ADAMTS18: variants seen among roughly 807,000 people sequenced by gnomAD.
The protein encoded by ADAMTS18 is ADAM metallopeptidase with thrombospondin type 1 motif 18, also known as A disintegrin and metalloproteinase with thrombospondin motifs 18.
Under a neutral mutation model 165.9 loss-of-function variants are expected in ADAMTS18, and 157 were observed. The observed-to-expected ratio is 0.95, with a 90% confidence interval of 0.83 to 1.08. ADAMTS18 has a LOEUF of 1.08. ADAMTS18 is among the 50% of genes least tolerant of loss of function. ADAMTS18 has a pLI of 0.00. For synonymous variants in ADAMTS18, 782 were observed against 578.2 expected, an observed-to-expected ratio of 1.35 and a Z score of -5.06; for missense variants, 2,040 against 1,534.0, an observed-to-expected ratio of 1.33 and a Z score of -5.51.
chr16:77,396,951 C>T (rs1487991654), intron 3 of ADAMTS18, among the ~76,000 whole-genome samples: 9 of 152,000 alleles, frequency 5.9e-5, no homozygotes, highest in Non-Finnish European at 5.9e-5. Context: ...GGATTACAGG[C>T]GCCCGCCACC....
At chr16:77,340,925 T>A (rs952679912) in intron 11 of ADAMTS18, among the ~76,000 whole-genome samples, 1 of 152,152 alleles carries the variant, frequency 6.6e-6, no homozygotes, top group African/African-American at 2.4e-5. Context: ...TATACTGCCT[T>A]GAGACAGAGT....
intron 4 of ADAMTS18, among the ~76,000 whole-genome samples, chr16:77,365,872 G>A (rs1343262023): frequency 6.6e-6 from 1 of 152,202 alleles, no homozygotes; most frequent in African/African-American, 2.4e-5. Context: ...GCACAGTGAC[G>A]TTGAGCCTCA....
intron 3 of ADAMTS18, among the ~76,000 whole-genome samples, chr16:77,375,264 C>T (rs147351439): frequency 0.011 from 1,606 of 152,120 alleles, 20 homozygotes; most frequent in Middle Eastern, 0.027. Context: ...TCAGGGGATC[C>T]GCCCACCTCA....
chr16:77,335,467 A>G (rs1022218973), intron 12 of ADAMTS18, among the ~76,000 whole-genome samples: 2 of 152,022 alleles, frequency 1.3e-5, no homozygotes, highest in African/African-American at 4.8e-5. Flanking sequence ...TATATCTTAA[A>G]ATAACTAAAA....
At chr16:77,424,115 G>GCCCA (rs2057640152) in intron 3 of ADAMTS18, among the ~76,000 whole-genome samples, 1 of 151,238 alleles carries the variant, frequency 6.6e-6, no homozygotes, top group African/African-American at 2.4e-5. Flanking sequence ...CATGAAGGAA[G>GCCCA]CCCAGTACTT....
At chr16:77,321,680 T>C (rs982757839) in intron 14 of ADAMTS18, among the ~76,000 whole-genome samples, 1 of 152,220 alleles carries the variant, frequency 6.6e-6, no homozygotes, top group Admixed American at 6.5e-5. Context: ...ATTCTAATCA[T>C]ATAGTAAAGG....
intron 3 of ADAMTS18, among the ~76,000 whole-genome samples, chr16:77,394,261 G>A (rs2057227977): frequency 6.6e-6 from 1 of 152,194 alleles, no homozygotes; most frequent in Admixed American, 6.5e-5. Flanking sequence ...ATTGCTTTGT[G>A]TCTGGAGACA....
At chr16:77,294,137 G>GT in intron 19 of ADAMTS18, among the ~76,000 whole-genome samples, 1 of 152,224 alleles carries the variant, frequency 6.6e-6, no homozygotes, top group Admixed American at 6.5e-5. Flanking sequence ...AACTCTTGCC[G>GT]TTTTTTCATT....
At chr16:77,318,249 A>G (rs2144633070) in intron 16 of ADAMTS18, among the ~76,000 whole-genome samples, 1 of 152,334 alleles carries the variant, frequency 6.6e-6, no homozygotes, top group East Asian at 1.9e-4. Context: ...ATGTCTCCAA[A>G]GAGCAAACTA....
At chr16:77,392,626 A>G (rs1012212799) in intron 3 of ADAMTS18, among the ~76,000 whole-genome samples, 1 of 152,080 alleles carries the variant, frequency 6.6e-6, no homozygotes, top group African/African-American at 2.4e-5. Flanking sequence ...CCATTTCTAC[A>G]CTAGAGTGCA....
At chr16:77,307,877 A>G (rs2055709297) in intron 16 of ADAMTS18, among the ~76,000 whole-genome samples, 1 of 152,156 alleles carries the variant, frequency 6.6e-6, no homozygotes, top group Non-Finnish European at 1.5e-5. Flanking sequence ...TGACAAGGTA[A>G]TACTTCGTCA....
intron 3 of ADAMTS18, among the ~76,000 whole-genome samples, chr16:77,388,736 A>C (rs1011530883): frequency 6.6e-5 from 10 of 152,098 alleles, no homozygotes; most frequent in Non-Finnish European, 1.5e-5. Flanking sequence ...TTCTTGATTG[A>C]CTGGTTGTTT....
At chr16:77,370,222 A>G (rs1597184430) in intron 3 of ADAMTS18, among the ~76,000 whole-genome samples, 1 of 152,304 alleles carries the variant, frequency 6.6e-6, no homozygotes, top group Non-Finnish European at 1.5e-5. Context: ...ATAGTACTGG[A>G]AGTCCTGGGT....
At chr16:77,375,614 G>C (rs931035547) in intron 3 of ADAMTS18, among the ~76,000 whole-genome samples, 6 of 152,302 alleles carry the variant, frequency 3.9e-5, no homozygotes, top group Non-Finnish European at 5.9e-5. Flanking sequence ...GTGAGAACAG[G>C]AAGAAAGCAG....
chr16:77,314,933 T>C (rs1379914607), intron 16 of ADAMTS18, among the ~76,000 whole-genome samples: 2 of 150,530 alleles, frequency 1.3e-5, no homozygotes, highest in Non-Finnish European at 3.0e-5. Flanking sequence ...ATTTTACAAA[T>C]ATAGACATTA....
At chr16:77,299,634 G>T (rs1183949294) in intron 17 of ADAMTS18, among the ~76,000 whole-genome samples, 2 of 152,164 alleles carry the variant, frequency 1.3e-5, no homozygotes, top group African/African-American at 2.4e-5. Context: ...TCCCAAATGA[G>T]CAAGTGTGAC....
At chr16:77,331,354 A>G (rs2056186220) in intron 12 of ADAMTS18, among the ~76,000 whole-genome samples, 1 of 152,202 alleles carries the variant, frequency 6.6e-6, no homozygotes, top group Non-Finnish European at 1.5e-5. Flanking sequence ...AGATCCATGA[A>G]CTATACTTCA....
chr16:77,391,603 G>T (rs1305423329), intron 3 of ADAMTS18, among the ~76,000 whole-genome samples: 2 of 152,102 alleles, frequency 1.3e-5, no homozygotes, highest in Non-Finnish European at 2.9e-5. Context: ...AGGAAGAGGG[G>T]GAAGAGTCAT....
chr16:77,398,598 C>T (rs1477338563), intron 3 of ADAMTS18, among the ~76,000 whole-genome samples: 1 of 152,144 alleles, frequency 6.6e-6, no homozygotes, highest in Non-Finnish European at 1.5e-5. Context: ...TCAGTCTCTG[C>T]ACTGTTGACA....
Sources: gnomAD v4.1 joint callset for allele counts (sites outside exome capture counted in the v4.1 genomes callset) on GRCh38, gnomAD v4.1.1 for gene constraint, MANE v1.5 for transcripts, NCBI Gene and HGNC (gene_info 2026-07-23, HGNC 2026-07-21) for gene names.